Variants in EIF4G3 observed in about 807,000 individuals in gnomAD.
EIF4G3 encodes eukaryotic translation initiation factor 4 gamma 3.
A neutral mutation model predicts 186.4 loss-of-function variants in EIF4G3; 34 were observed. The observed-to-expected ratio is 0.18, with a 90% CI of 0.14 to 0.24. The LOEUF (loss-of-function observed/expected upper bound fraction) is 0.24. Among genes scored for constraint, EIF4G3 ranks in the 10% least tolerant of loss-of-function variants. The pLI, the probability that EIF4G3 is intolerant of heterozygous loss-of-function variation, is 1.00. For missense variants in EIF4G3, 1,536 were observed against 1,948.5 expected, an observed-to-expected ratio of 0.79 and a Z score of 3.99; for synonymous variants, 673 against 679.5, an observed-to-expected ratio of 0.99 and a Z score of 0.15.
chr1:20,942,137 G>A lies in EIF4G3; in HGVS notation c.1017C>T (p.Thr339=), dbSNP rs1337022287. 2.5e-6 allele frequency: 4 copies of A among 1,613,990 alleles called. No individual in the cohort carries two copies. Among genetic ancestry groups the A allele is most frequent in the African/African-American group, 2.7e-5 (2 of 74,918 alleles). Residue 339 remains threonine (T), a synonymous_variant, in exon 14 of 37, where the codon ACC becomes ACT. Coordinates refer to ENST00000602326, the MANE Select transcript of EIF4G3 (RefSeq NM_001391906.1). ...SVARSTIAAP[T]SSALSSQPIF... ...TTGGTTGGCTACTAAGAGCAGAAGA[G>A]GTGGGGGCTGCAATTGTACTTCGAG... is the stretch of plus-strand genomic sequence containing the variant.
chr1:20,956,104 G>A lies in EIF4G3; in HGVS notation c.715-5993C>T, dbSNP rs1573482571. On this transcript the variant is annotated intron_variant, in intron 12 of 36. Coordinates refer to ENST00000602326, the MANE Select transcript of EIF4G3 (RefSeq NM_001391906.1). ...ATAATTCCACTGAATTCTAATGCAG[G>A]AATTACAGGATGTAAGGACTACAAT... 2.0e-5 allele frequency among the ~76,000 whole-genome samples: 3 copies of A among 152,166 alleles called. No homozygotes were observed. In the South Asian group the frequency reaches 6.2e-4, roughly 32 times the overall value.
chr1:20,879,200 A>G (rs141091191), intron 20 of EIF4G3, 123 bp downstream of exon 20: 3 of 674,144 alleles, frequency 4.5e-6, no homozygotes, highest in South Asian at 4.0e-5. Flanking sequence ...TATTATATCA[A>G]TAAATACTAA....
rs55649192 is a variant in EIF4G3, at chr1:21,075,570, C to CAAAAA, written c.-196+13563_-196+13567dup. On this transcript the variant is annotated intron_variant, in intron 3 of 36. Coordinates refer to ENST00000602326, the MANE Select transcript of EIF4G3 (RefSeq NM_001391906.1). ...GGCAACAGAGTGAGACTCCAACTCA[C>CAAAAA]AAAAAAAAAAAAAAAAAAAAAAAAA... 1.8e-3 allele frequency among the ~76,000 whole-genome samples: 94 copies of CAAAAA among 51,538 alleles called. 3 individuals are homozygous for CAAAAA. Among genetic ancestry groups the CAAAAA allele is most frequent in the African/African-American group, 2.2e-3 (22 of 10,106 alleles). The allele number at this position is 51,538 out of a possible 152,430, so 33.8% of individuals were successfully genotyped here. A position where few individuals can be genotyped will look rare whatever the true frequency, so the allele number is the denominator to read the frequency against.
In EIF4G3 at chr1:20,997,917, TAA is replaced by T. The variant is rs71714195; in HGVS notation, c.145-286_145-285del. ...TAAGGTACTCTCTGATAGGATTATT[TAA>T]AAAAAAAAAAAAACCCTAAAATAAG... On this transcript the variant is annotated intron_variant, in intron 6 of 36. Coordinates refer to ENST00000602326, the MANE Select transcript of EIF4G3 (RefSeq NM_001391906.1). 2.3e-3 allele frequency among the ~76,000 whole-genome samples: 316 copies of T among 138,114 alleles called. 1 individual carries two copies. The highest frequency in any genetic ancestry group is 4.5e-3 in the African/African-American group (166 of 37,258). 90.6% of individuals were successfully genotyped at this position (138,114 alleles called of 152,430 possible).
At position 21,054,231 on chromosome 1, in the gene EIF4G3, T is replaced by C. The variant is rs371097309; in HGVS notation, c.-195-3237A>G. On this transcript the variant is annotated intron_variant, in intron 3 of 36. Transcript: ENST00000602326. Reference sequence around the variant, plus strand: ...CACTCAGGGTTGAATGGATTAAGGGTGGTGCAAGATGTGCTTTGTTAAACA... The same window carrying C: ...CACTCAGGGTTGAATGGATTAAGGGCGGTGCAAGATGTGCTTTGTTAAACA... Among the ~76,000 whole-genome samples the C allele has an allele frequency of 5.4e-3, 822 of 151,588 alleles. 12 individuals are homozygous for C. Among genetic ancestry groups the C allele is most frequent in the East Asian group, 0.024 (125 of 5,156 alleles).
At chr1:21,026,293 G>A (rs1359492291) in intron 4 of EIF4G3, among the ~76,000 whole-genome samples, 3 of 152,146 alleles carry the variant, frequency 2.0e-5, no homozygotes, top group African/African-American at 7.2e-5. Flanking sequence ...CATTCAATGG[G>A]GAAAGGACAT....
chr1:21,104,607 T>G (rs574220262), intron 2 of EIF4G3, among the ~76,000 whole-genome samples: 1 of 152,210 alleles, frequency 6.6e-6, no homozygotes, highest in Non-Finnish European at 1.5e-5. Context: ...AGGGAATGCT[T>G]ATATACTGCT....
intron 7 of EIF4G3, among the ~76,000 whole-genome samples, chr1:20,991,569 T>TTA (rs749541153): frequency 7.0e-6 from 1 of 142,534 alleles, no homozygotes; most frequent in Non-Finnish European, 1.5e-5. Flanking sequence ...CTCTGTCTCA[T>TTA]AAAAAAAAAA....
intron 2 of EIF4G3, among the ~76,000 whole-genome samples, chr1:21,170,528 G>A (rs1054765796): frequency 1.3e-5 from 2 of 151,768 alleles, no homozygotes; most frequent in African/African-American, 2.4e-5. Flanking sequence ...AAAATTAGAT[G>A]GGTGTGATGG....
chr1:20,949,666 A>G (rs892098520), intron 13 of EIF4G3, among the ~76,000 whole-genome samples: 2 of 152,182 alleles, frequency 1.3e-5, no homozygotes, highest in African/African-American at 4.8e-5. Context: ...TGAATATATA[A>G]GCTAAACTGT....
At chr1:20,848,182 G>C (rs1379458365) in intron 29 of EIF4G3, among the ~76,000 whole-genome samples, 2 of 152,094 alleles carry the variant, frequency 1.3e-5, no homozygotes, top group African/African-American at 4.8e-5. Context: ...GCCCAGGCTG[G>C]TCTCAAACTC....
intron 2 of EIF4G3, among the ~76,000 whole-genome samples, chr1:21,148,681 G>C (rs576705572): frequency 7.1e-6 from 1 of 139,934 alleles, no homozygotes; most frequent in African/African-American, 2.7e-5. Flanking sequence ...CAGCCTGGGC[G>C]ACAGAGTGAG....
intron 15 of EIF4G3, among the ~76,000 whole-genome samples, chr1:20,903,875 T>C (rs2091257101): frequency 1.3e-5 from 2 of 152,206 alleles, no homozygotes; most frequent in Admixed American, 1.3e-4. Context: ...AATTTTATCA[T>C]GTTAAACCTT....
chr1:20,972,616 C>CA (rs1558504444), intron 11 of EIF4G3, among the ~76,000 whole-genome samples: 1 of 151,098 alleles, frequency 6.6e-6, no homozygotes, highest in Non-Finnish European at 1.5e-5. Flanking sequence ...GCTTGGGCTA[C>CA]AGAGTGAGAC....
chr1:20,892,729 T>C, intron 18 of EIF4G3: 4 of 1,530,482 alleles, frequency 2.6e-6, no homozygotes, highest in Non-Finnish European at 3.5e-6. Flanking sequence ...ACTTTGCAAA[T>C]CTGTAGAAAC....
intron 33 of EIF4G3, among the ~76,000 whole-genome samples, chr1:20,819,427 T>G (rs1415482918): frequency 6.7e-6 from 1 of 150,354 alleles, no homozygotes; most frequent in Admixed American, 6.6e-5. Flanking sequence ...TTTTTTTTCT[T>G]TTAAACTGAA....
chr1:21,176,766 T>A lies in EIF4G3; in HGVS notation c.-500A>T. The A allele has an allele frequency of 1.4e-6, 1 of 699,118 alleles. No homozygotes were observed. Among genetic ancestry groups the A allele is most frequent in the Non-Finnish European group, 2.6e-6 (1 of 383,588 alleles). The allele number at this position is 699,118 out of a possible 1,614,324, so 43.3% of individuals were successfully genotyped here. ...ATGGGCCGGCGGCGGGGGATCTTTA[T>A]CCCCCTCCCCGGAGGAAGCGGCGCC... On this transcript the variant is annotated 5_prime_UTR_variant, in exon 1 of 37. Transcript: ENST00000602326.
chr1:21,167,547 C>G (rs987440816), intron 2 of EIF4G3, among the ~76,000 whole-genome samples: 1 of 152,108 alleles, frequency 6.6e-6, no homozygotes, highest in Non-Finnish European at 1.5e-5. Flanking sequence ...AGGCCAAGGT[C>G]AGGAGTTCAA....
chr1:21,007,951 A>G (rs2085760169), intron 4 of EIF4G3, among the ~76,000 whole-genome samples: 1 of 152,236 alleles, frequency 6.6e-6, no homozygotes, highest in African/African-American at 2.4e-5. Flanking sequence ...AAAATTTAAT[A>G]AAGAAAACCT....
Sources: gnomAD v4.1 joint callset for allele counts (sites outside exome capture counted in the v4.1 genomes callset) on GRCh38, gnomAD v4.1.1 for gene constraint, MANE v1.5 for transcripts, NCBI Gene and HGNC (gene_info 2026-07-23, HGNC 2026-07-21) for gene names.